PRKG1: variants seen among roughly 807,000 people sequenced by gnomAD.
PRKG1 encodes the protein protein kinase cGMP-dependent 1, also known as cGMP-dependent protein kinase 1.
In PRKG1, 35 loss-of-function variants were observed where a neutral mutation model predicts 88.1. That is an observed-to-expected ratio of 0.40 (90% CI 0.30 to 0.53). The LOEUF is 0.53. Ranked by LOEUF, PRKG1 falls within the 20% of genes least tolerant of loss-of-function variation. The pLI, the probability that PRKG1 is intolerant of heterozygous loss-of-function variation, is 0.59. For missense variants in PRKG1, 540 were observed against 839.8 expected (o/e 0.64, Z 4.41); for synonymous variants, 303 against 292.5 (o/e 1.04, Z -0.37).
chr10:51,940,168 C>A (rs764301546), intron 5 of PRKG1, among the ~76,000 whole-genome samples: 1 of 151,692 alleles, frequency 6.6e-6, no homozygotes, highest in Non-Finnish European at 1.5e-5. Flanking sequence ...ACCAAATATC[C>A]CCTGCTTTTT....
chr10:51,775,563 T>TCTAA (rs1228500082), intron 3 of PRKG1, among the ~76,000 whole-genome samples: 11 of 151,424 alleles, frequency 7.3e-5, no homozygotes, highest in African/African-American at 2.7e-4. Flanking sequence ...AGCCCAGTTC[T>TCTAA]TTAATTATTA....
chr10:51,049,703 G>A (rs980346116), intron 1 of PRKG1, among the ~76,000 whole-genome samples: 2 of 152,118 alleles, frequency 1.3e-5, no homozygotes, highest in South Asian at 2.1e-4. Flanking sequence ...TATGTTTTGT[G>A]TTATGTATTT....
intron 3 of PRKG1, among the ~76,000 whole-genome samples, chr10:51,594,268 T>C (rs1375249461): frequency 2.0e-5 from 3 of 152,140 alleles, no homozygotes; most frequent in African/African-American, 7.2e-5. Flanking sequence ...CCACAATTCA[T>C]CTTCCCACCT....
At chr10:52,258,240 G>T (rs1167559345) in intron 10 of PRKG1, among the ~76,000 whole-genome samples, 1 of 138,550 alleles carries the variant, frequency 7.2e-6, no homozygotes, top group Admixed American at 7.6e-5. Flanking sequence ...TATAAATCTA[G>T]AATGCACTGG....
intron 5 of PRKG1, among the ~76,000 whole-genome samples, chr10:51,991,533 C>T (rs1165984680): frequency 6.6e-6 from 1 of 152,160 alleles, no homozygotes; most frequent in African/African-American, 2.4e-5. Flanking sequence ...CTCCCCCACT[C>T]CCCCAGCCCA....
At chr10:51,176,983 A>G (rs1837211889) in intron 2 of PRKG1, among the ~76,000 whole-genome samples, 1 of 152,218 alleles carries the variant, frequency 6.6e-6, no homozygotes, top group South Asian at 2.1e-4. Flanking sequence ...TCATTTTTTT[A>G]AGAGTGAAGA....
chr10:51,036,026 T>C (rs1441411159), intron 1 of PRKG1, among the ~76,000 whole-genome samples: 2 of 152,200 alleles, frequency 1.3e-5, no homozygotes, highest in African/African-American at 4.8e-5. Context: ...CCCATGTTTA[T>C]TCTTGAACAT....
intron 3 of PRKG1, among the ~76,000 whole-genome samples, chr10:51,517,371 A>G (rs1841616873): frequency 6.6e-6 from 1 of 152,164 alleles, no homozygotes; most frequent in Non-Finnish European, 1.5e-5. Flanking sequence ...TGGGAAAGGA[A>G]CCTCTAGGGT....
At chr10:51,790,839 G>A (rs146597360) in intron 3 of PRKG1, among the ~76,000 whole-genome samples, 73 of 152,216 alleles carry the variant, frequency 4.8e-4, no homozygotes, top group African/African-American at 1.6e-3. Context: ...TTTTGCTTCT[G>A]TAAAATGTTA....
intron 2 of PRKG1, among the ~76,000 whole-genome samples, chr10:51,212,744 G>T (rs1224738036): frequency 6.6e-6 from 1 of 152,114 alleles, no homozygotes; most frequent in Non-Finnish European, 1.5e-5. Flanking sequence ...CATCAGAGAA[G>T]TGCAAATCAA....
At chr10:51,140,670 T>G (rs1338718273) in intron 1 of PRKG1, among the ~76,000 whole-genome samples, 1 of 152,168 alleles carries the variant, frequency 6.6e-6, no homozygotes, top group East Asian at 1.9e-4. Flanking sequence ...TACTAGACTG[T>G]GTGGCCAAGA....
Position 52,282,805 on chromosome 10 carries a change from A to G in PRKG1, c.1709+489A>G, listed in dbSNP as rs185179917. Among the ~76,000 whole-genome samples, 325 of 152,116 alleles carry G rather than the reference A, an allele frequency of 2.1e-3. 1 individual carries two copies. The highest frequency in any genetic ancestry group is 7.4e-3 in the African/African-American group (308 of 41,554). On this transcript the variant is annotated intron_variant, in intron 14 of 17. Coordinates refer to ENST00000373980, the MANE Select transcript of PRKG1 (RefSeq NM_006258.4). The stretch of plus-strand genomic sequence containing the variant: ...CACAAGGTATAAAACAAACTTTAAG[A>G]TCCTCAAGGACCCATATTAAAAGAA...
chr10:52,104,228 C>T (rs1270165340), intron 7 of PRKG1, among the ~76,000 whole-genome samples: 1 of 151,572 alleles, frequency 6.6e-6, no homozygotes, highest in Admixed American at 6.6e-5. Context: ...GTCATTTTAG[C>T]CACCAAATGG....
At chr10:50,994,472 C>T (rs866792193) in intron 1 of PRKG1, among the ~76,000 whole-genome samples, 3 of 122,792 alleles carry the variant, frequency 2.4e-5, no homozygotes, top group Non-Finnish European at 4.7e-5. Flanking sequence ...TGGAGTGGTG[C>T]GATCTCCGGC....
At chr10:51,474,655 A>C (rs1012706923) in intron 3 of PRKG1, among the ~76,000 whole-genome samples, 1 of 151,986 alleles carries the variant, frequency 6.6e-6, no homozygotes, top group Admixed American at 6.6e-5. Context: ...TTAGTTAATA[A>C]ATTTCTTCAA....
At chr10:51,429,986 G>A (rs1390975545) in intron 2 of PRKG1, among the ~76,000 whole-genome samples, 2 of 151,536 alleles carry the variant, frequency 1.3e-5, no homozygotes, top group Non-Finnish European at 2.9e-5. Flanking sequence ...TCATAAATTA[G>A]ATAAAAGAAT....
intron 3 of PRKG1, among the ~76,000 whole-genome samples, chr10:51,602,095 A>G (rs1838621991): frequency 6.6e-6 from 1 of 152,110 alleles, no homozygotes; most frequent in African/African-American, 2.4e-5. Context: ...AGTTTAAAAT[A>G]TAAGGTGATT....
chr10:51,085,076 A>G (rs895969531), intron 1 of PRKG1, among the ~76,000 whole-genome samples: 1 of 152,226 alleles, frequency 6.6e-6, no homozygotes, highest in Non-Finnish European at 1.5e-5. Flanking sequence ...AGGACAAAAA[A>G]GAAAAATGCA....
intron 4 of PRKG1, among the ~76,000 whole-genome samples, chr10:51,881,129 T>G (rs544175426): frequency 1.3e-5 from 2 of 151,728 alleles, no homozygotes; most frequent in African/African-American, 4.8e-5. Flanking sequence ...CAGGTTATAT[T>G]TGAGAATTGA....
Sources: gnomAD v4.1 joint callset for allele counts (sites outside exome capture counted in the v4.1 genomes callset) on GRCh38, gnomAD v4.1.1 for gene constraint, MANE v1.5 for transcripts, NCBI Gene and HGNC (gene_info 2026-07-23, HGNC 2026-07-21) for gene names.